Variants in SLC14A2 observed in about 807,000 individuals in gnomAD.
SLC14A2 encodes solute carrier family 14 member 2, also known as urea transporter 2.
In SLC14A2, 91 loss-of-function variants were observed where a neutral mutation model predicts 104.6. That is an observed-to-expected ratio of 0.87 (90% CI 0.73 to 1.04). SLC14A2 has a LOEUF of 1.04. Among genes scored for constraint, SLC14A2 ranks in the 50% least tolerant of loss-of-function variants. SLC14A2 has a pLI of 0.00. For synonymous variants in SLC14A2, 476 were observed against 466.4 expected (o/e 1.02, Z -0.27); for missense variants, 1,189 against 1,156.0 (o/e 1.03, Z -0.41).
intron 1 of SLC14A2, among the ~76,000 whole-genome samples, chr18:45,285,472 C>G (rs2084803974): frequency 6.6e-6 from 1 of 152,058 alleles, no homozygotes; most frequent in Non-Finnish European, 1.5e-5. Context: ...GTCTGGAATG[C>G]AGTGGTGCAA....
At chr18:45,246,134 T>C (rs1351514693) in intron 1 of SLC14A2, among the ~76,000 whole-genome samples, 2 of 152,154 alleles carry the variant, frequency 1.3e-5, no homozygotes, top group Admixed American at 6.5e-5. Flanking sequence ...CCTAATCTAG[T>C]AGGACTTGTA....
intron 1 of SLC14A2, among the ~76,000 whole-genome samples, chr18:45,387,465 C>CT (rs2085910463): frequency 6.6e-6 from 1 of 152,168 alleles, no homozygotes; most frequent in Admixed American, 6.5e-5. Context: ...AGGGCAGTCT[C>CT]TAATTCTAAG....
At chr18:45,497,879 T>G (rs2043127182) in intron 2 of SLC14A2, among the ~76,000 whole-genome samples, 1 of 152,214 alleles carries the variant, frequency 6.6e-6, no homozygotes, top group South Asian at 2.1e-4. Flanking sequence ...TGCAATCTGA[T>G]TCTGCCTATG....
chr18:45,218,342 T>G (rs1009372692), intron 1 of SLC14A2, among the ~76,000 whole-genome samples: 1 of 152,234 alleles, frequency 6.6e-6, no homozygotes, highest in African/African-American at 2.4e-5. Flanking sequence ...ATATCAGAAT[T>G]TACTTCCTTT....
intron 1 of SLC14A2, among the ~76,000 whole-genome samples, chr18:45,349,530 A>G (rs775342960): frequency 4.6e-5 from 7 of 152,218 alleles, no homozygotes; most frequent in African/African-American, 1.7e-4. Flanking sequence ...GTAGACCAGC[A>G]CATCCATTCC....
At chr18:45,645,935 T>A (rs1456682106) in intron 10 of SLC14A2, among the ~76,000 whole-genome samples, 3 of 152,008 alleles carry the variant, frequency 2.0e-5, no homozygotes, top group Non-Finnish European at 4.4e-5. Flanking sequence ...CACCACCAAG[T>A]CCCTTGCGAC....
intron 1 of SLC14A2, among the ~76,000 whole-genome samples, chr18:45,381,254 A>G (rs746088313): frequency 2.0e-5 from 3 of 152,218 alleles, no homozygotes; most frequent in African/African-American, 7.2e-5. Flanking sequence ...ATCTCACACA[A>G]TGCAGTCTGA....
chr18:45,504,377 G>A (rs2612582), intron 2 of SLC14A2, among the ~76,000 whole-genome samples: 14,630 of 152,158 alleles, frequency 0.096, 908 homozygotes, highest in Middle Eastern at 0.18. Context: ...AGTTCCAAAC[G>A]ATATGGTAAT....
At chr18:45,358,019 T>A (rs1235453310) in intron 1 of SLC14A2, among the ~76,000 whole-genome samples, 2 of 152,032 alleles carry the variant, frequency 1.3e-5, no homozygotes, top group Admixed American at 1.3e-4. Context: ...AAGAAAAAAA[T>A]TAAAAATAAA....
intron 1 of SLC14A2, among the ~76,000 whole-genome samples, chr18:45,409,647 C>T (rs1056436274): frequency 1.6e-4 from 24 of 152,134 alleles, no homozygotes; most frequent in African/African-American, 5.8e-4. Flanking sequence ...CTACCCACCC[C>T]TTTCCCAGAA....
chr18:45,445,262 C>T (rs1568208496), intron 1 of SLC14A2, among the ~76,000 whole-genome samples: 1 of 152,046 alleles, frequency 6.6e-6, no homozygotes, highest in African/African-American at 2.4e-5. Flanking sequence ...CAGGCATGCA[C>T]CACCATGCCT....
At chr18:45,559,800 C>T (rs1266177223) in intron 2 of SLC14A2, among the ~76,000 whole-genome samples, 3 of 152,226 alleles carry the variant, frequency 2.0e-5, no homozygotes, top group Non-Finnish European at 4.4e-5. Flanking sequence ...TTTCCCTGTC[C>T]TCCTTGGGGT....
At chr18:45,407,370 A>C (rs2086166758) in intron 1 of SLC14A2, among the ~76,000 whole-genome samples, 1 of 152,214 alleles carries the variant, frequency 6.6e-6, no homozygotes, top group Non-Finnish European at 1.5e-5. Flanking sequence ...TTGAAGTGTT[A>C]GAGCTTTTCT....
At chr18:45,361,825 C>A (rs1408084852) in intron 1 of SLC14A2, among the ~76,000 whole-genome samples, 2 of 151,958 alleles carry the variant, frequency 1.3e-5, no homozygotes, top group African/African-American at 4.8e-5. Context: ...ATCTTGAAAA[C>A]CACTGGGTTA....
chr18:45,651,714 T>C (rs2045740967), intron 10 of SLC14A2, among the ~76,000 whole-genome samples: 1 of 152,130 alleles, frequency 6.6e-6, no homozygotes, highest in South Asian at 2.1e-4. Context: ...TCTATGGCCC[T>C]GAGTTCCCAT....
chr18:45,627,278 C>T (rs925103571), intron 4 of SLC14A2, 131 bp downstream of exon 4: 1 of 712,204 alleles, frequency 1.4e-6, no homozygotes, highest in Non-Finnish European at 2.4e-6. Flanking sequence ...TTAAGCAGGT[C>T]ACTGACAGTC....
intron 1 of SLC14A2, among the ~76,000 whole-genome samples, chr18:45,429,761 A>G (rs1284005887): frequency 6.6e-6 from 1 of 152,190 alleles, no homozygotes; most frequent in Non-Finnish European, 1.5e-5. Context: ...GGGCACCTGG[A>G]AGTCTCCTTC....
At chr18:45,626,374 A>G (rs892764725) in intron 3 of SLC14A2, among the ~76,000 whole-genome samples, 1 of 152,088 alleles carries the variant, frequency 6.6e-6, no homozygotes, top group Non-Finnish European at 1.5e-5. Flanking sequence ...TAGCCCCGAC[A>G]CCTGCACCAG....
At chr18:45,597,095 A>C (rs2044727171) in intron 2 of SLC14A2, among the ~76,000 whole-genome samples, 1 of 152,220 alleles carries the variant, frequency 6.6e-6, no homozygotes, top group Non-Finnish European at 1.5e-5. Context: ...AGGCGGGTGG[A>C]TTACTTGAGG....
Sources: gnomAD v4.1 joint callset for allele counts (sites outside exome capture counted in the v4.1 genomes callset) on GRCh38, gnomAD v4.1.1 for gene constraint, MANE v1.5 for transcripts, NCBI Gene and HGNC (gene_info 2026-07-23, HGNC 2026-07-21) for gene names.